The following SCLT1 variants were observed in gnomAD, a reference collection of about 807,000 sequenced individuals.
SCLT1 encodes sodium channel and clathrin linker 1.
In SCLT1, 78 loss-of-function variants were observed where a neutral mutation model predicts 112.8. That is an observed-to-expected ratio of 0.69 (90% CI 0.58 to 0.83). The LOEUF (loss-of-function observed/expected upper bound fraction) is 0.83. Among genes scored for constraint, SCLT1 ranks in the 40% least tolerant of loss-of-function variants. SCLT1 has a pLI of 0.00. For missense variants in SCLT1, 747 were observed against 770.4 expected (o/e 0.97, Z 0.36); for synonymous variants, 257 against 254.7 (o/e 1.01, Z -0.09).
intron 10 of SCLT1, among the ~76,000 whole-genome samples, chr4:128,966,066 G>A (rs144288999): frequency 0.017 from 2,622 of 150,832 alleles, 94 homozygotes; most frequent in African/African-American, 0.061. Context: ...TCCTGACCTC[G>A]TGATCCACCC....
intron 2 of SCLT1, among the ~76,000 whole-genome samples, chr4:129,045,403 G>A (rs906288365): frequency 1.3e-5 from 2 of 152,008 alleles, no homozygotes; most frequent in Admixed American, 1.3e-4. Flanking sequence ...TACAGCATTC[G>A]TAACATGACC....
chr4:128,937,570 A>T lies in SCLT1; in HGVS notation c.1633-719T>A, dbSNP rs532787236. ...CAAACCACTTTTGACTTACATACTA[A>T]ATTTGAAACTCTTTCAAAGGGCTTT... On this transcript the variant is annotated intron_variant, in intron 17 of 20. Transcript: ENST00000281142. Among the ~76,000 whole-genome samples the T allele has an allele frequency of 3.3e-5, 5 of 152,332 alleles. No homozygotes were observed. The East Asian group carries it at 9.6e-4, about 29-fold the overall frequency.
intron 14 of SCLT1, among the ~76,000 whole-genome samples, chr4:128,950,855 T>C (rs1048852302): frequency 4.0e-4 from 61 of 152,320 alleles, no homozygotes; most frequent in African/African-American, 1.3e-3. Flanking sequence ...AGCAATCTGC[T>C]ACATGGCAGA....
chr4:129,025,373 G>A (rs1237626795), intron 5 of SCLT1, among the ~76,000 whole-genome samples: 3 of 152,226 alleles, frequency 2.0e-5, no homozygotes, highest in Non-Finnish European at 4.4e-5. Flanking sequence ...CTACAAGCCA[G>A]AAGAGAGTGG....
At chr4:128,979,510 ATT>A (rs1741464554) in intron 9 of SCLT1, among the ~76,000 whole-genome samples, 2 of 152,236 alleles carry the variant, frequency 1.3e-5, no homozygotes, top group African/African-American at 4.8e-5. Context: ...CATTTTCTTA[ATT>A]TTGAACTTCA....
chr4:128,981,402 T>C (rs1424312175), intron 9 of SCLT1, among the ~76,000 whole-genome samples: 3 of 152,228 alleles, frequency 2.0e-5, no homozygotes, highest in African/African-American at 4.8e-5. Flanking sequence ...CCATTTAGTC[T>C]GGAGGTCGTA....
chr4:128,889,563 G>A (rs145412060), intron 19 of SCLT1, among the ~76,000 whole-genome samples: 208 of 152,234 alleles, frequency 1.4e-3, no homozygotes, highest in African/African-American at 1.7e-3. Flanking sequence ...ATTATTTTGC[G>A]TTGTTTAAGC....
At chr4:129,013,807 T>G (rs1377672019) in intron 5 of SCLT1, among the ~76,000 whole-genome samples, 1 of 152,196 alleles carries the variant, frequency 6.6e-6, no homozygotes, top group Non-Finnish European at 1.5e-5. Context: ...TCTTCTAACT[T>G]ATCTAACTAG....
intron 11 of SCLT1, among the ~76,000 whole-genome samples, chr4:128,964,775 T>C (rs925258457): frequency 1.3e-5 from 2 of 152,178 alleles, no homozygotes; most frequent in African/African-American, 2.4e-5. Flanking sequence ...TTAACCACTC[T>C]TTAGAAGAAA....
chr4:129,046,963 A>T (rs1748242286), intron 2 of SCLT1, among the ~76,000 whole-genome samples: 2 of 152,118 alleles, frequency 1.3e-5, no homozygotes. Context: ...CTCTTTTGTG[A>T]AGTGACCTGT....
At chr4:128,910,090 C>T (rs1367948809) in intron 18 of SCLT1, among the ~76,000 whole-genome samples, 1 of 152,168 alleles carries the variant, frequency 6.6e-6, no homozygotes, top group Non-Finnish European at 1.5e-5. Flanking sequence ...TCACCGCATG[C>T]TTATACACAT....
intron 18 of SCLT1, among the ~76,000 whole-genome samples, chr4:128,921,711 G>T (rs572925434): frequency 6.6e-6 from 1 of 152,132 alleles, no homozygotes; most frequent in East Asian, 1.9e-4. Flanking sequence ...ATAACCTAGG[G>T]AATACCATCT....
chr4:128,922,623 G>A (rs910205628), intron 18 of SCLT1, among the ~76,000 whole-genome samples: 5 of 152,124 alleles, frequency 3.3e-5, no homozygotes, highest in Non-Finnish European at 7.4e-5. Context: ...ACACAAAGAA[G>A]GAAACAGCAG....
intron 2 of SCLT1, among the ~76,000 whole-genome samples, chr4:129,059,672 C>A (rs1749776943): frequency 6.6e-6 from 1 of 152,120 alleles, no homozygotes; most frequent in Non-Finnish European, 1.5e-5. Flanking sequence ...GGTACTTTGA[C>A]CATTCTCTCC....
intron 1 of SCLT1, among the ~76,000 whole-genome samples, chr4:129,085,507 T>C (rs1263894153): frequency 6.6e-6 from 1 of 152,170 alleles, no homozygotes; most frequent in Non-Finnish European, 1.5e-5. Flanking sequence ...TTAATCCCAT[T>C]ACTGAGTATA....
chr4:129,090,569 C>T (rs1354769036), intron 1 of SCLT1, among the ~76,000 whole-genome samples: 3 of 152,126 alleles, frequency 2.0e-5, no homozygotes, highest in African/African-American at 7.2e-5. Context: ...ACACCAAAAA[C>T]ACAATTCATA....
intron 17 of SCLT1, among the ~76,000 whole-genome samples, chr4:128,940,149 T>A (rs1737560611): frequency 6.6e-6 from 1 of 151,888 alleles, no homozygotes; most frequent in Non-Finnish European, 1.5e-5. Context: ...AAAAATTCAT[T>A]GATTCCATCC....
At chr4:129,007,088 A>G (rs1320019665) in intron 5 of SCLT1, among the ~76,000 whole-genome samples, 9 of 152,082 alleles carry the variant, frequency 5.9e-5, no homozygotes, top group Non-Finnish European at 1.2e-4. Flanking sequence ...TTCTAGCATA[A>G]TTTTCACTGT....
chr4:128,941,810 C>T (rs1384243371), intron 17 of SCLT1, among the ~76,000 whole-genome samples: 4 of 152,082 alleles, frequency 2.6e-5, no homozygotes. Flanking sequence ...TACAAAGCAG[C>T]TCCAACTAAT....
Sources: gnomAD v4.1 joint callset for allele counts (sites outside exome capture counted in the v4.1 genomes callset) on GRCh38, gnomAD v4.1.1 for gene constraint, MANE v1.5 for transcripts, NCBI Gene and HGNC (gene_info 2026-07-23, HGNC 2026-07-21) for gene names.